The following FOXP2 variants were observed in gnomAD, a reference collection of about 807,000 sequenced individuals.
FOXP2 encodes forkhead box protein P2.
FOXP2 carries 12 observed loss-of-function variants against 115.8 expected under a neutral mutation model. The observed-to-expected ratio is 0.10, with a 90% CI of 0.07 to 0.17. The LOEUF is 0.17. Among genes scored for constraint, FOXP2 ranks in the 10% least tolerant of loss-of-function variants. The pLI is 1.00. For synonymous variants in FOXP2, 328 were observed against 297.7 expected (o/e 1.10, Z -1.05); for missense variants, 629 against 843.5 (o/e 0.75, Z 3.15).
chr7:114,534,978 A>C (rs1393173794), intron 3 of FOXP2, among the ~76,000 whole-genome samples: 1 of 151,740 alleles, frequency 6.6e-6, no homozygotes, highest in African/African-American at 2.4e-5. Flanking sequence ...TTTGCATAAA[A>C]CCCCCTTGTG....
chr7:114,672,812 G>A (rs1807561861), intron 16 of FOXP2, among the ~76,000 whole-genome samples: 1 of 152,248 alleles, frequency 6.6e-6, no homozygotes, highest in African/African-American at 2.4e-5. Flanking sequence ...CTCTGTAAAG[G>A]TATTCCAAGA....
intron 3 of FOXP2, among the ~76,000 whole-genome samples, chr7:114,614,919 T>C (rs951262067): frequency 6.6e-6 from 1 of 152,134 alleles, no homozygotes; most frequent in African/African-American, 2.4e-5. Flanking sequence ...AGATCTTCTC[T>C]TTTAAAAAAA....
chr7:114,355,255 C>T (rs1299985599), intron 2 of FOXP2, among the ~76,000 whole-genome samples: 1 of 152,048 alleles, frequency 6.6e-6, no homozygotes, highest in Non-Finnish European at 1.5e-5. Context: ...TCAGAAAGTA[C>T]CAGGTGAATT....
chr7:114,156,737 C>G (rs1325783591), intron 1 of FOXP2, among the ~76,000 whole-genome samples: 2 of 152,056 alleles, frequency 1.3e-5, no homozygotes, highest in Non-Finnish European at 2.9e-5. Context: ...TCAAACTTGA[C>G]TTTTAGTTGA....
At chr7:114,481,622 T>C (rs1278206939) in intron 2 of FOXP2, among the ~76,000 whole-genome samples, 2 of 151,370 alleles carry the variant, frequency 1.3e-5, no homozygotes, top group African/African-American at 4.8e-5. Flanking sequence ...CTACTGACTC[T>C]CTGCACTTAG....
intron 1 of FOXP2, among the ~76,000 whole-genome samples, chr7:114,281,015 G>A (rs1796322012): frequency 1.3e-5 from 2 of 151,424 alleles, no homozygotes; most frequent in Admixed American, 1.3e-4. Context: ...TGTCTCTCTA[G>A]CAGATCATAA....
At chr7:114,575,989 T>C (rs1801557204) in intron 3 of FOXP2, among the ~76,000 whole-genome samples, 1 of 151,938 alleles carries the variant, frequency 6.6e-6, no homozygotes, top group Non-Finnish European at 1.5e-5. Context: ...TTGAATTCAT[T>C]GTTTTACTGT....
chr7:114,419,674 G>A (rs559393773), intron 1 of FOXP2, among the ~76,000 whole-genome samples: 1 of 150,378 alleles, frequency 6.6e-6, no homozygotes, highest in Non-Finnish European at 1.5e-5. Context: ...AAACTATGCC[G>A]TCAAAAAACC....
intron 2 of FOXP2, among the ~76,000 whole-genome samples, chr7:114,517,949 A>G (rs1798425581): frequency 6.6e-6 from 1 of 152,032 alleles, no homozygotes; most frequent in African/African-American, 2.4e-5. Flanking sequence ...TAATCCTCCA[A>G]TCCATGAACA....
intron 1 of FOXP2, among the ~76,000 whole-genome samples, chr7:114,134,731 A>G (rs1277528314): frequency 6.7e-6 from 1 of 150,112 alleles, no homozygotes; most frequent in Non-Finnish European, 1.5e-5. Context: ...AAAAAAAAAG[A>G]AATGCTATTT....
At chr7:114,176,224 GTC>G in intron 1 of FOXP2, among the ~76,000 whole-genome samples, 1 of 133,496 alleles carries the variant, frequency 7.5e-6, no homozygotes, top group Non-Finnish European at 1.6e-5. Flanking sequence ...GTCTTGTCTT[GTC>G]TTGTCTTTTC....
At chr7:114,384,761 ACT>A (rs1445013037) in intron 2 of FOXP2, among the ~76,000 whole-genome samples, 3 of 151,546 alleles carry the variant, frequency 2.0e-5, no homozygotes, top group Middle Eastern at 3.4e-3. Context: ...ACTTAGAATA[ACT>A]CTGAACTGGT....
At chr7:114,313,791 A>G (rs762510083) in intron 2 of FOXP2, among the ~76,000 whole-genome samples, 2 of 151,980 alleles carry the variant, frequency 1.3e-5, no homozygotes, top group Non-Finnish European at 2.9e-5. Context: ...TTGAAATTGT[A>G]TAATTTTGTA....
intron 3 of FOXP2, chr7:114,538,492 A>T: frequency 1.1e-5 from 6 of 550,264 alleles, no homozygotes; most frequent in Non-Finnish European, 1.7e-5. Flanking sequence ...TCTAATAGGT[A>T]ATTGAATTAT....
At chr7:114,251,201 C>G (rs1233453854) in intron 1 of FOXP2, among the ~76,000 whole-genome samples, 3 of 152,104 alleles carry the variant, frequency 2.0e-5, no homozygotes, top group Admixed American at 6.5e-5. Flanking sequence ...TTACTGTAGC[C>G]TTGTAGTATA....
chr7:114,649,112 G>A (rs1806087070), intron 8 of FOXP2, among the ~76,000 whole-genome samples: 1 of 152,016 alleles, frequency 6.6e-6, no homozygotes, highest in Non-Finnish European at 1.5e-5. Context: ...GATTGCATGG[G>A]TAATTTACAG....
intron 1 of FOXP2, among the ~76,000 whole-genome samples, chr7:114,100,366 G>A (rs188045856): frequency 8.3e-4 from 126 of 152,104 alleles, no homozygotes; most frequent in East Asian, 3.1e-3. Flanking sequence ...ACTAAATACC[G>A]TACTATAAGT....
At chr7:114,628,399 A>C in intron 3 of FOXP2, 141 bp from the exon 4 acceptor site, 1 of 1,099,730 alleles carries the variant, frequency 9.1e-7, no homozygotes, top group Non-Finnish European at 1.3e-6. Context: ...ATTGTAAAGA[A>C]GTTATAGTAA....
At chr7:114,109,454 G>A (rs977837746) in intron 1 of FOXP2, among the ~76,000 whole-genome samples, 8 of 151,910 alleles carry the variant, frequency 5.3e-5, no homozygotes, top group Admixed American at 3.3e-4. Context: ...GCAGTATGTC[G>A]AAATACAAAC....
Sources: allele counts gnomAD v4.1 joint callset (sites outside exome capture counted in the v4.1 genomes callset), GRCh38; gene constraint gnomAD v4.1.1; transcripts MANE v1.5; gene names NCBI Gene and HGNC (gene_info 2026-07-23, HGNC 2026-07-21).